PPP2R2B: variants seen among roughly 807,000 people sequenced by gnomAD.
PPP2R2B encodes the protein protein phosphatase 2 regulatory subunit Bbeta.
A neutral mutation model predicts 46.0 loss-of-function variants in PPP2R2B; 5 were observed. The ratio of observed to expected loss-of-function variants is 0.11; its 90% CI spans 0.06 to 0.23. The LOEUF is 0.23. Among genes scored for constraint, PPP2R2B ranks in the 10% least tolerant of loss-of-function variants. The probability of loss-of-function intolerance (pLI) is 1.00; values close to 1 mark genes in which losing one functional copy is unlikely to be tolerated. For synonymous variants in PPP2R2B, 215 were observed against 206.7 expected (o/e 1.04, Z -0.34); for missense variants, 367 against 575.0 (o/e 0.64, Z 3.70).
At chr5:146,849,971 A>G (rs758196355) in intron 2 of PPP2R2B, among the ~76,000 whole-genome samples, 13 of 152,182 alleles carry the variant, frequency 8.5e-5, no homozygotes, top group Non-Finnish European at 1.8e-4. Flanking sequence ...AGGAAGGAAA[A>G]TAAGACCTGA....
intron 1 of PPP2R2B, among the ~76,000 whole-genome samples, chr5:146,914,872 C>G (rs1481666290): frequency 6.6e-6 from 1 of 152,150 alleles, no homozygotes; most frequent in Non-Finnish European, 1.5e-5. Flanking sequence ...TAAAGTCTTT[C>G]TCTAGCTCAA....
At chr5:146,628,275 T>C (rs1774195018) in intron 7 of PPP2R2B, among the ~76,000 whole-genome samples, 1 of 152,192 alleles carries the variant, frequency 6.6e-6, no homozygotes, top group Non-Finnish European at 1.5e-5. Flanking sequence ...TCTAAAGTGC[T>C]TATGCCATTT....
rs372446157 is a variant in PPP2R2B, at chr5:146,617,680, A to ATC, written c.791-17222_791-17221dup. On this transcript the variant is annotated intron_variant, in intron 7 of 9. Transcript: ENST00000394411. ...TCTACCATGGCTGGGGCTTCCTCTC[A>ATC]TCTCTCTCTCTCTCTCTCTTTTTTT... 8.7e-3 allele frequency among the ~76,000 whole-genome samples: 1,262 copies of ATC among 144,336 alleles called. 13 individuals carry two copies. Among genetic ancestry groups the ATC allele is most frequent in the Non-Finnish European group, 0.012 (783 of 66,702 alleles). The allele number at this position is 144,336 out of a possible 152,430, so 94.7% of individuals were successfully genotyped here. A position where few individuals can be genotyped will look rare whatever the true frequency, so the allele number is the denominator to read the frequency against.
chr5:146,736,840 T>A (rs868570602), intron 2 of PPP2R2B, among the ~76,000 whole-genome samples: 5 of 152,202 alleles, frequency 3.3e-5, no homozygotes, highest in Non-Finnish European at 7.3e-5. Context: ...ACCTTTGGCA[T>A]CTCTAGTTGG....
chr5:146,930,708 A>C lies in PPP2R2B; in HGVS notation c.79+124957T>G, dbSNP rs1247226734. ...TAAAAATGCAGAAGAAAAAGCTTGT[A>C]CCTGGGACTCATTGACATTGTGGTT... is the stretch of plus-strand genomic sequence containing the variant. On this transcript the variant is annotated intron_variant, in intron 1 of 8. Transcript: ENST00000336640. Among the ~76,000 whole-genome samples the C allele has an allele frequency of 2.0e-5, 3 of 152,202 alleles. No homozygotes were observed. In the South Asian group the frequency reaches 6.2e-4, roughly 31 times the overall value.
intron 7 of PPP2R2B, among the ~76,000 whole-genome samples, chr5:146,605,468 T>C (rs1343814026): frequency 1.3e-5 from 2 of 152,220 alleles, no homozygotes; most frequent in East Asian, 1.9e-4. Context: ...ACCTGTGATA[T>C]GTCAGGCATT....
At chr5:146,597,399 A>T (rs561342819) in intron 8 of PPP2R2B, among the ~76,000 whole-genome samples, 2 of 152,052 alleles carry the variant, frequency 1.3e-5, no homozygotes, top group Admixed American at 6.6e-5. Flanking sequence ...TAGTATGTTG[A>T]TTCTATCAAT....
intron 1 of PPP2R2B, among the ~76,000 whole-genome samples, chr5:146,982,197 T>C (rs530928909): frequency 6.6e-6 from 1 of 152,346 alleles, no homozygotes; most frequent in South Asian, 2.1e-4. Flanking sequence ...TTCTAATCTA[T>C]ACATTTAGTG....
chr5:146,701,056 G>A lies in PPP2R2B; in HGVS notation c.157C>T (p.Arg53Ter). ...DKGGRVVIFQ[R>*]EQESKNQVHR... ...TCACCACCACTTACCTCCTGCTCTC[G>A]TTGAAATATTACAACCCGACCCCCC... The change falls in exon 3 of 10, where the codon CGA becomes TGA. Residue 53 changes from arginine (R) to a stop codon, truncating the protein, a stop_gained. Coordinates refer to ENST00000394411, the MANE Select transcript of PPP2R2B (RefSeq NM_181675.4). LOFTEE classifies it high-confidence loss of function. 6.2e-7 allele frequency: 1 copy of A among 1,611,980 alleles called. No homozygotes were observed.
At chr5:146,832,623 T>G (rs1350511334) in intron 2 of PPP2R2B, among the ~76,000 whole-genome samples, 1 of 152,004 alleles carries the variant, frequency 6.6e-6, no homozygotes, top group Non-Finnish European at 1.5e-5. Flanking sequence ...ACTCCTGACC[T>G]TAGGAGATCC....
At chr5:146,771,368 C>A (rs183916197) in intron 2 of PPP2R2B, among the ~76,000 whole-genome samples, 1 of 152,152 alleles carries the variant, frequency 6.6e-6, no homozygotes, top group African/African-American at 2.4e-5. Flanking sequence ...AAATCCCTTG[C>A]GAACAGGTGC....
intron 1 of PPP2R2B, among the ~76,000 whole-genome samples, chr5:146,901,188 T>C (rs929784605): frequency 6.6e-6 from 1 of 152,178 alleles, no homozygotes; most frequent in South Asian, 2.1e-4. Flanking sequence ...AGTTAACTTA[T>C]TGGTGCTAAC....
At chr5:146,714,377 A>G (rs926555610) in intron 2 of PPP2R2B, among the ~76,000 whole-genome samples, 2 of 152,154 alleles carry the variant, frequency 1.3e-5, no homozygotes, top group Non-Finnish European at 2.9e-5. Flanking sequence ...GTGACTATGT[A>G]CAACTCCTTG....
chr5:147,030,698 A>C (rs1345088909), intron 1 of PPP2R2B, among the ~76,000 whole-genome samples: 1 of 152,188 alleles, frequency 6.6e-6, no homozygotes, highest in Non-Finnish European at 1.5e-5. Flanking sequence ...ATTAAAGTCT[A>C]ATTTATATTA....
At chr5:146,833,559 C>A (rs1357262920) in intron 2 of PPP2R2B, among the ~76,000 whole-genome samples, 1 of 152,174 alleles carries the variant, frequency 6.6e-6, no homozygotes, top group Non-Finnish European at 1.5e-5. Context: ...AACTTCAGGG[C>A]ATTCCGTGGT....
At chr5:147,006,434 G>A (rs1333615970) in intron 1 of PPP2R2B, among the ~76,000 whole-genome samples, 1 of 152,154 alleles carries the variant, frequency 6.6e-6, no homozygotes, top group Non-Finnish European at 1.5e-5. Flanking sequence ...GGTGTAACAT[G>A]TATTATCCTA....
chr5:146,837,639 G>A (rs144394093), intron 2 of PPP2R2B, among the ~76,000 whole-genome samples: 17 of 152,228 alleles, frequency 1.1e-4, no homozygotes, highest in East Asian at 9.7e-4. Flanking sequence ...TCAAGATATC[G>A]AAAATACCAT....
intron 2 of PPP2R2B, among the ~76,000 whole-genome samples, chr5:146,874,040 C>A (rs1761761777): frequency 6.6e-6 from 1 of 152,196 alleles, no homozygotes; most frequent in African/African-American, 2.4e-5. Flanking sequence ...CAAATTCATC[C>A]TTTAGTTCTC....
intron 2 of PPP2R2B, among the ~76,000 whole-genome samples, chr5:146,852,654 C>T (rs1189759273): frequency 6.6e-6 from 1 of 152,122 alleles, no homozygotes; most frequent in African/African-American, 2.4e-5. Context: ...TGTGTGACCA[C>T]CTCTCTCCAA....
Sources: allele counts gnomAD v4.1 joint callset (sites outside exome capture counted in the v4.1 genomes callset), GRCh38; gene constraint gnomAD v4.1.1; transcripts MANE v1.5; gene names NCBI Gene and HGNC (gene_info 2026-07-23, HGNC 2026-07-21).